Variants in PPP2R2B observed in about 807,000 individuals in gnomAD.
PPP2R2B encodes protein phosphatase 2 regulatory subunit Bbeta.
PPP2R2B carries 5 observed loss-of-function variants against 46.0 expected under a neutral mutation model. The observed-to-expected ratio is 0.11, with a 90% CI of 0.06 to 0.23. The LOEUF (loss-of-function observed/expected upper bound fraction) is 0.23. Among genes scored for constraint, PPP2R2B ranks in the 10% least tolerant of loss-of-function variants. PPP2R2B has a pLI of 1.00. For synonymous variants in PPP2R2B, 215 were observed against 206.7 expected (o/e 1.04, Z -0.34); for missense variants, 367 against 575.0 (o/e 0.64, Z 3.70).
chr5:146,929,190 TC>T (rs2151820560), intron 1 of PPP2R2B, among the ~76,000 whole-genome samples: 1 of 152,298 alleles, frequency 6.6e-6, no homozygotes, highest in South Asian at 2.1e-4. Context: ...ACATTTCTGT[TC>T]TTTTCACAGC....
chr5:146,700,469 G>A (rs1036922522), intron 3 of PPP2R2B, among the ~76,000 whole-genome samples: 2 of 152,120 alleles, frequency 1.3e-5, no homozygotes, highest in African/African-American at 4.8e-5. Context: ...TAGAACTCCT[G>A]CTCAGAAATG....
chr5:146,893,164 T>G (rs186867688), intron 1 of PPP2R2B, among the ~76,000 whole-genome samples: 1 of 152,356 alleles, frequency 6.6e-6, no homozygotes, highest in African/African-American at 2.4e-5. Context: ...TCACTTGCTC[T>G]GTAAAGACAT....
chr5:146,835,901 A>C (rs1323280915), intron 2 of PPP2R2B, among the ~76,000 whole-genome samples: 1 of 152,180 alleles, frequency 6.6e-6, no homozygotes, highest in Non-Finnish European at 1.5e-5. Context: ...ATTAGAGCCT[A>C]ATGAAGTGGG....
At chr5:147,000,078 T>C (rs72825287) in intron 1 of PPP2R2B, among the ~76,000 whole-genome samples, 3,470 of 152,326 alleles carry the variant, frequency 0.023, 44 homozygotes, top group Non-Finnish European at 0.031. Flanking sequence ...ATGGTGACTT[T>C]AACAGACAGA....
chr5:146,938,581 A>G (rs1380410546), intron 1 of PPP2R2B, among the ~76,000 whole-genome samples: 1 of 152,122 alleles, frequency 6.6e-6, no homozygotes, highest in Non-Finnish European at 1.5e-5. Context: ...TATTTGTTAT[A>G]AAATTACTCC....
intron 5 of PPP2R2B, among the ~76,000 whole-genome samples, chr5:146,650,947 T>C (rs1236132347): frequency 6.6e-6 from 1 of 152,148 alleles, no homozygotes; most frequent in African/African-American, 2.4e-5. Flanking sequence ...GGTGGGAAAT[T>C]TCATTCTTTA....
chr5:146,843,828 A>G (rs2151374596), intron 2 of PPP2R2B, among the ~76,000 whole-genome samples: 1 of 151,910 alleles, frequency 6.6e-6, no homozygotes, highest in African/African-American at 2.4e-5. Flanking sequence ...TATGTGCCAC[A>G]TTTTCTTAAT....
intron 2 of PPP2R2B, among the ~76,000 whole-genome samples, chr5:147,063,076 G>T (rs1455064220): frequency 7.2e-6 from 1 of 138,536 alleles, no homozygotes; most frequent in African/African-American, 2.9e-5. Flanking sequence ...AGAAGGGAAA[G>T]GAAGGGAAGG....
intron 2 of PPP2R2B, among the ~76,000 whole-genome samples, chr5:146,765,991 T>C (rs1385394396): frequency 6.6e-6 from 1 of 152,222 alleles, no homozygotes; most frequent in Non-Finnish European, 1.5e-5. Context: ...TATTATCATC[T>C]GGTGATTAAA....
At chr5:146,985,682 A>C (rs1050353504) in intron 1 of PPP2R2B, among the ~76,000 whole-genome samples, 1 of 152,142 alleles carries the variant, frequency 6.6e-6, no homozygotes, top group Non-Finnish European at 1.5e-5. Context: ...GTCCACTCTC[A>C]CCACTTATTA....
chr5:146,637,486 T>C (rs918501380), intron 7 of PPP2R2B, among the ~76,000 whole-genome samples: 3 of 152,226 alleles, frequency 2.0e-5, no homozygotes, highest in Non-Finnish European at 4.4e-5. Flanking sequence ...TATATTATAG[T>C]GGCTTCCTAA....
Position 146,581,392 on chromosome 5 carries a change from T to C in PPP2R2B, c.*8555A>G. On this transcript the variant is annotated 3_prime_UTR_variant, in exon 10 of 10. Coordinates refer to ENST00000394411, the MANE Select transcript of PPP2R2B (RefSeq NM_181675.4). ...TATCACGAGAATAGCACCAAGAAGATGGTGCTAAACCATGCATGAGAAATC... is the reference window on the plus strand; with the variant it reads ...TATCACGAGAATAGCACCAAGAAGACGGTGCTAAACCATGCATGAGAAATC... The C allele has an allele frequency of 6.6e-6, 1 of 152,238 alleles. No homozygotes were observed. Among genetic ancestry groups the C allele is most frequent in the Non-Finnish European group, 1.5e-5 (1 of 68,022 alleles). The allele number at this position is 152,238 out of a possible 1,614,324, so 9.4% of individuals were successfully genotyped here.
chr5:146,646,707 GATAA>G (rs1775602886), intron 6 of PPP2R2B, among the ~76,000 whole-genome samples: 1 of 152,182 alleles, frequency 6.6e-6, no homozygotes, highest in Non-Finnish European at 1.5e-5. Flanking sequence ...AGACAATCCA[GATAA>G]TAAAATTAGC....
At chr5:146,647,421 A>G (rs1392114466) in intron 6 of PPP2R2B, among the ~76,000 whole-genome samples, 2 of 152,188 alleles carry the variant, frequency 1.3e-5, no homozygotes, top group African/African-American at 4.8e-5. Context: ...AGAGGTGGCT[A>G]TACTTCAGTG....
At chr5:146,995,745 AT>A (rs1359361848) in intron 1 of PPP2R2B, among the ~76,000 whole-genome samples, 19 of 152,334 alleles carry the variant, frequency 1.2e-4, no homozygotes. Flanking sequence ...TCCCAAGAAG[AT>A]ATGAGTAAGA....
intron 7 of PPP2R2B, among the ~76,000 whole-genome samples, chr5:146,615,645 A>C (rs534033761): frequency 1.3e-5 from 2 of 152,070 alleles, no homozygotes; most frequent in Non-Finnish European, 2.9e-5. Context: ...CCCATTTACA[A>C]CAGCTACAAA....
rs1429061407 is a variant in PPP2R2B, at chr5:146,878,633, G to T, written c.-167C>A. 1.8e-5 allele frequency: 23 copies of T among 1,248,378 alleles called. No individual in the cohort carries two copies. The highest frequency in any genetic ancestry group is 2.3e-5 in the Non-Finnish European group (22 of 968,552). The allele number at this position is 1,248,378 out of a possible 1,614,324, so 77.3% of individuals were successfully genotyped here. A position where few individuals can be genotyped will look rare whatever the true frequency, so the allele number is the denominator to read the frequency against. ...GCTGGTCCCACGGGAGGGCGGCTCCGGCAGGCGGGGGTAGGGAAGCTGGCG... is the reference window on the plus strand; with the variant it reads ...GCTGGTCCCACGGGAGGGCGGCTCCTGCAGGCGGGGGTAGGGAAGCTGGCG... On this transcript the variant is annotated 5_prime_UTR_variant, in exon 1 of 10. Coordinates refer to ENST00000394411, the MANE Select transcript of PPP2R2B (RefSeq NM_181675.4). The surrounding 1 kb of genome is among the most constrained non-coding windows in gnomAD (Gnocchi z 4.5).
intron 2 of PPP2R2B, among the ~76,000 whole-genome samples, chr5:146,800,979 C>G (rs1324147456): frequency 6.6e-6 from 1 of 151,976 alleles, no homozygotes; most frequent in Non-Finnish European, 1.5e-5. Flanking sequence ...TGTGTATACA[C>G]TGGGATATCA....
At chr5:147,050,475 T>C (rs1756755502) in intron 1 of PPP2R2B, among the ~76,000 whole-genome samples, 1 of 152,014 alleles carries the variant, frequency 6.6e-6, no homozygotes, top group Admixed American at 6.6e-5. Flanking sequence ...AATCCATAAA[T>C]ATGAAAAAGG....
Sources: gnomAD v4.1 joint callset for allele counts (sites outside exome capture counted in the v4.1 genomes callset) on GRCh38, gnomAD v4.1.1 for gene constraint, Gnocchi (gnomAD v3.1) non-coding constraint, MANE v1.5 for transcripts, NCBI Gene and HGNC (gene_info 2026-07-23, HGNC 2026-07-21) for gene names.